The following RGS12 variants were observed in gnomAD, a reference collection of about 807,000 sequenced individuals.
The protein encoded by RGS12 is regulator of G protein signaling 12, also known as regulator of G-protein signaling 12.
A neutral mutation model predicts 120.1 loss-of-function variants in RGS12; 66 were observed. The observed-to-expected ratio is 0.55, with a 90% CI of 0.45 to 0.67. The LOEUF (loss-of-function observed/expected upper bound fraction) is 0.67, where lower values mean the gene tolerates loss of function less well. Among genes scored for constraint, RGS12 ranks in the 30% least tolerant of loss-of-function variants. The probability of loss-of-function intolerance (pLI) is 0.00; values close to 1 mark genes in which losing one functional copy is unlikely to be tolerated. For missense variants in RGS12, 1,859 were observed against 1,957.7 expected (o/e 0.95, Z 0.95); for synonymous variants, 827 against 804.7 (o/e 1.03, Z -0.47).
intron 4 of RGS12, among the ~76,000 whole-genome samples, chr4:3,408,940 A>G (rs1721438505): frequency 6.6e-6 from 1 of 152,262 alleles, no homozygotes; most frequent in South Asian, 2.1e-4. Flanking sequence ...CACCCCCAGC[A>G]GTGCTGGGAG....
At chr4:3,360,714 TG>T (rs1191511754) in intron 3 of RGS12, among the ~76,000 whole-genome samples, 1 of 152,152 alleles carries the variant, frequency 6.6e-6, no homozygotes, top group Admixed American at 6.5e-5. Context: ...CTGATGATTT[TG>T]ATTAAATGAA....
rs1232729506 is a variant in RGS12 at position 3,368,667 on chromosome 4, TA to T, written c.1999-17748del. Among the ~76,000 whole-genome samples the T allele has an allele frequency of 9.8e-4, 72 of 73,312 alleles. 1 individual carries two copies. Among genetic ancestry groups the T allele is most frequent in the Admixed American group, 3.7e-3 (19 of 5,186 alleles). 48.1% of individuals were successfully genotyped at this position (73,312 alleles called of 152,430 possible). On this transcript the variant is annotated intron_variant, in intron 3 of 17. Coordinates refer to ENST00000336727, the MANE Select transcript of RGS12 (RefSeq NM_001394154.1). ...TACGTGTGTGGGGTGCATGTGTGTGTAGGGGGGGTGCCTGTGTGTGTGGGGG... is the reference window on the plus strand; with the variant it reads ...TACGTGTGTGGGGTGCATGTGTGTGTGGGGGGGTGCCTGTGTGTGTGGGGG...
intron 13 of RGS12, 125 bp from the exon 14 acceptor site, chr4:3,425,339 C>T: frequency 1.2e-6 from 1 of 848,484 alleles, no homozygotes; most frequent in South Asian, 1.5e-5. Context: ...CAGGCCTCAC[C>T]TCGGGGCCAT....
intron 4 of RGS12, among the ~76,000 whole-genome samples, chr4:3,408,257 G>T (rs1027840349): frequency 2.0e-5 from 3 of 152,216 alleles, no homozygotes; most frequent in African/African-American, 7.2e-5. Context: ...CAGGGTTCAA[G>T]GTCAGGCCTT....
chr4:3,317,177 C>T lies in RGS12; in HGVS notation c.1007C>T (p.Ser336Phe), dbSNP rs768665650. ...AQEEEGALRT[S>F]CHVFMVDPDL... ...GAGGAGGAGGGCGCCCTGCGGACTT[C>T]CTGCCACGTGTTCATGGTGGACCCA... is the stretch of plus-strand genomic sequence containing the variant. Residue 336 changes from serine to phenylalanine, a missense_variant, in exon 2 of 18, where the codon TCC (serine) becomes TTC (phenylalanine). Transcript: ENST00000336727. The T allele has an allele frequency of 6.2e-7, 1 of 1,614,158 alleles. No homozygotes were observed. The highest frequency in any genetic ancestry group is 8.5e-7 in the Non-Finnish European group (1 of 1,180,040).
chr4:3,344,240 G>A (rs780634180), intron 3 of RGS12, among the ~76,000 whole-genome samples: 41 of 152,162 alleles, frequency 2.7e-4, no homozygotes, highest in Non-Finnish European at 4.7e-4. Flanking sequence ...TGGATGGCCT[G>A]TTTAGCTTTG....
chr4:3,291,725 C>G (rs1241916256), upstream of RGS12, among the ~76,000 whole-genome samples: 1 of 152,080 alleles, frequency 6.6e-6, no homozygotes, highest in East Asian at 1.9e-4. Flanking sequence ...TGTTAAGTAT[C>G]TCTCTCTCTT....
At chr4:3,315,071 C>T (rs778517505) in intron 1 of RGS12, 11 of 152,260 alleles carry the variant, frequency 7.2e-5, no homozygotes, top group African/African-American at 9.6e-5. Flanking sequence ...GTGGGCTTCC[C>T]TGGTGACGAC....
rs185160887 is a variant in RGS12 at position 3,391,412 on chromosome 4, T to C, written c.2020+4975T>C. On this transcript the variant is annotated intron_variant, in intron 4 of 17. Transcript: ENST00000336727. ...TTTTTCAAGCAAACAAATTCAAAGG[T>C]AATAAAACCACTAACTGCATACCTA... Among the ~76,000 whole-genome samples, 33 of 152,308 alleles carry C rather than the reference T, an allele frequency of 2.2e-4. No individual in the cohort carries two copies. The East Asian group carries it at 4.8e-3, about 22-fold the overall frequency.
chr4:3,363,951 A>G (rs2108857230), intron 3 of RGS12, among the ~76,000 whole-genome samples: 1 of 152,314 alleles, frequency 6.6e-6, no homozygotes, highest in Non-Finnish European at 1.5e-5. Context: ...CCAGGCTTGC[A>G]GAAGCCATGC....
At chr4:3,343,454 G>T (rs75756650) in intron 3 of RGS12, among the ~76,000 whole-genome samples, 11,534 of 152,096 alleles carry the variant, frequency 0.076, 796 homozygotes, top group African/African-American at 0.19. Flanking sequence ...ACAATGAAAA[G>T]ATTTTATTTT....
chr4:3,306,222 C>T (rs1723958874), intron 1 of RGS12, among the ~76,000 whole-genome samples: 1 of 152,252 alleles, frequency 6.6e-6, no homozygotes, highest in African/African-American at 2.4e-5. Flanking sequence ...GTCTTGATGT[C>T]ACATGCACAG....
intron 3 of RGS12, among the ~76,000 whole-genome samples, chr4:3,350,943 A>G (rs547522704): frequency 7.9e-5 from 12 of 151,918 alleles, no homozygotes; most frequent in Non-Finnish European, 1.8e-4. Flanking sequence ...CATGAAACAG[A>G]AAAACATAGT....
At chr4:3,294,827 C>T (rs558014995) in intron 1 of RGS12, among the ~76,000 whole-genome samples, 3 of 152,328 alleles carry the variant, frequency 2.0e-5, no homozygotes, top group East Asian at 3.9e-4. Flanking sequence ...GGAGGAGCGA[C>T]AGGGCAGTGG....
chr4:3,414,266 A>G, intron 5 of RGS12, 25 bp downstream of exon 5: 2 of 1,520,718 alleles, frequency 1.3e-6, no homozygotes, highest in Non-Finnish European at 1.8e-6. Context: ...GCCCAGGAGC[A>G]GCGGAGCGGT....
rs1337236184 is a variant in RGS12, at chr4:3,372,572, G to GC, written c.1999-13837dup. Among the ~76,000 whole-genome samples the GC allele has an allele frequency of 6.6e-6, 1 of 152,126 alleles. No homozygotes were observed. The highest frequency in any genetic ancestry group is 1.5e-5 in the Non-Finnish European group (1 of 68,020). On this transcript the variant is annotated intron_variant, in intron 3 of 17. Coordinates refer to ENST00000336727, the MANE Select transcript of RGS12 (RefSeq NM_001394154.1). The surrounding 1 kb of genome is among the most constrained non-coding windows in gnomAD (Gnocchi z 4.3). ...GGCCGCCTCGGGTGCATCCACGCTGGCCCCCCCAGGTGTGCCCTGTGTGGC... is the reference window on the plus strand; with the variant it reads ...GGCCGCCTCGGGTGCATCCACGCTGGCCCCCCCCAGGTGTGCCCTGTGTGGC...
At position 3,372,859 on chromosome 4, in the gene RGS12, A is replaced by G. The variant is rs1717181848; in HGVS notation, c.1999-13557A>G. Among the ~76,000 whole-genome samples, 1 of 152,208 alleles carries G rather than the reference A, an allele frequency of 6.6e-6. No individual in the cohort carries two copies. Among genetic ancestry groups the G allele is most frequent in the South Asian group, 2.1e-4 (1 of 4,830 alleles). On this transcript the variant is annotated intron_variant, in intron 3 of 17. Coordinates refer to ENST00000336727, the MANE Select transcript of RGS12 (RefSeq NM_001394154.1). The surrounding 1 kb of genome is among the most constrained non-coding windows in gnomAD (Gnocchi z 4.3). Reference sequence around the variant, plus strand: ...AGACCACAGGGCTTCTCTCCCCTTCAGGCATTGACGTTCTGTTTAATATTT... The same window carrying G: ...AGACCACAGGGCTTCTCTCCCCTTCGGGCATTGACGTTCTGTTTAATATTT...
intron 3 of RGS12, among the ~76,000 whole-genome samples, chr4:3,377,700 C>A (rs776255990): frequency 5.9e-5 from 9 of 152,176 alleles, no homozygotes; most frequent in Non-Finnish European, 1.2e-4. Context: ...TCAAAACATT[C>A]ATTTCAAAAT....
intron 4 of RGS12, among the ~76,000 whole-genome samples, chr4:3,411,914 T>C (rs1422342952): frequency 3.3e-5 from 5 of 152,244 alleles, no homozygotes; most frequent in Non-Finnish European, 7.3e-5. Context: ...TGCCGCCCCT[T>C]CCACCGCAGC....
Sources: gnomAD v4.1 joint callset for allele counts (sites outside exome capture counted in the v4.1 genomes callset) on GRCh38, gnomAD v4.1.1 for gene constraint, Gnocchi (gnomAD v3.1) non-coding constraint, MANE v1.5 for transcripts, NCBI Gene and HGNC (gene_info 2026-07-23, HGNC 2026-07-21) for gene names.